Variants in SLC16A6 observed in about 807,000 individuals in gnomAD.
The protein encoded by SLC16A6 is solute carrier family 16 member 6.
A neutral mutation model predicts 33.8 loss-of-function variants in SLC16A6; 15 were observed. The ratio of observed to expected loss-of-function variants is 0.44; its 90% CI spans 0.30 to 0.68. The LOEUF (loss-of-function observed/expected upper bound fraction) is 0.68, where lower values mean the gene tolerates loss of function less well. Among genes scored for constraint, SLC16A6 ranks in the 30% least tolerant of loss-of-function variants. SLC16A6 has a pLI of 0.10. For synonymous variants in SLC16A6, 219 were observed against 248.4 expected, an observed-to-expected ratio of 0.88 and a Z score of 1.11; for missense variants, 451 against 661.5, an observed-to-expected ratio of 0.68 and a Z score of 3.49.
chr17:68,287,378 T>G (rs868923787), intron 1 of SLC16A6, among the ~76,000 whole-genome samples: 67 of 152,082 alleles, frequency 4.4e-4, no homozygotes, highest in African/African-American at 1.5e-3. Context: ...TAGGCTGGTC[T>G]GGAACTCCCG....
intron 1 of SLC16A6, among the ~76,000 whole-genome samples, chr17:68,283,631 A>T (rs2075769459): frequency 6.6e-6 from 1 of 151,714 alleles, no homozygotes; most frequent in Non-Finnish European, 1.5e-5. Context: ...AACCAGCCTG[A>T]CCAACATGGA....
At chr17:68,280,967 A>T (rs1172560535) in intron 1 of SLC16A6, among the ~76,000 whole-genome samples, 2 of 151,982 alleles carry the variant, frequency 1.3e-5, no homozygotes, top group Non-Finnish European at 2.9e-5. Context: ...CTTACTGAAA[A>T]TACGAAAAAT....
At chr17:68,279,612 A>C (rs971293495) in intron 1 of SLC16A6, among the ~76,000 whole-genome samples, 34 of 152,100 alleles carry the variant, frequency 2.2e-4, no homozygotes, top group African/African-American at 8.0e-4. Context: ...GTTACCCCTA[A>C]CCTCACTGTG....
intron 2 of SLC16A6, among the ~76,000 whole-genome samples, chr17:68,275,906 C>T (rs2075500176): frequency 6.6e-6 from 1 of 151,340 alleles, no homozygotes; most frequent in Admixed American, 6.6e-5. Context: ...TCACTTGAAC[C>T]TGGGAGGCGG....
In SLC16A6 at chr17:68,271,655, C is replaced by T. The variant is rs1327613292; in HGVS notation, c.506-1G>A. The stretch of plus-strand genomic sequence containing the variant: ...ATGCGCTCCTTCAGAGCCATGATTG[C>T]TTGAATAGGCAGGAGTGAAGAAGAA... On this transcript the variant is annotated splice_acceptor_variant, in intron 4 of 5. Transcript: ENST00000580666. LOFTEE classifies it high-confidence loss of function. This position sits in a 1 kb window ranked among gnomAD's most constrained non-coding sequence, Gnocchi z 5.3. 5 of 1,609,486 alleles carry T rather than the reference C, an allele frequency of 3.1e-6. No individual in the cohort carries two copies. The highest frequency in any genetic ancestry group is 4.3e-6 in the Non-Finnish European group (5 of 1,176,362).
At position 68,274,026 on chromosome 17, in the gene SLC16A6, C is replaced by G. The variant is rs1555750072; in HGVS notation, c.277G>C (p.Val93Leu). The change falls in exon 3 of 6, where the codon GTA (valine) becomes CTA (leucine). Residue 93 changes from valine to leucine, a missense_variant. Val to Leu is a conservative substitution (Grantham distance 32, BLOSUM62 1). Transcript: ENST00000580666. ...VLSNRFGHRL[V>L]VMLGGLLVST... ...ACAAGTAGCCCCCCCAACATCACTA[C>G]CAGACGGTGTCCGAAACGATTGCTC... 1 of 1,614,028 alleles carries G rather than the reference C, an allele frequency of 6.2e-7. No homozygotes were observed. The highest frequency in any genetic ancestry group is 8.5e-7 in the Non-Finnish European group (1 of 1,180,038).
In SLC16A6 at chr17:68,288,060, G is replaced by A. The variant is rs143119528; in HGVS notation, c.-8+3026C>T. Among the ~76,000 whole-genome samples, 989 of 148,588 alleles carry A rather than the reference G, an allele frequency of 6.7e-3. 7 individuals carry two copies. Among genetic ancestry groups the A allele is most frequent in the African/African-American group, 0.023 (934 of 40,356 alleles). Reference sequence around the variant, plus strand: ...CTCCCAGGCTGGAGCACAGTGGTGCGATCTCAGCCCACTGCAAGCTCTGCC... The same window carrying A: ...CTCCCAGGCTGGAGCACAGTGGTGCAATCTCAGCCCACTGCAAGCTCTGCC... On this transcript the variant is annotated intron_variant, in intron 1 of 5. Coordinates refer to ENST00000580666, the MANE Select transcript of SLC16A6 (RefSeq NM_004694.5).
intron 5 of SLC16A6, 100 bp from the exon 6 acceptor site, chr17:68,269,446 T>G: frequency 7.8e-7 from 1 of 1,278,832 alleles, no homozygotes; most frequent in Non-Finnish European, 1.1e-6. Context: ...TTCACTGCCT[T>G]CCTTGTTTTC....
rs1555748714 is a variant in SLC16A6 at position 68,271,493 on chromosome 17, G to A, written c.667C>T (p.Gln223Ter). The change falls in exon 5 of 6, where the codon CAG (glutamine) becomes TAG (stop). Residue 223 changes from glutamine (Q) to a stop codon, truncating the protein, a stop_gained. Transcript: ENST00000580666. LOFTEE classifies it high-confidence loss of function. The surrounding 1 kb of genome is among the most constrained non-coding windows in gnomAD (Gnocchi z 5.3). ...GTTTTCTCATTTTCAAGCATATACT[G>A]CGCTTCTTTCCGATTTTCCTGGATG... ...IVIQENRKEA[Q>*]YMLENEKTRT... 6.2e-7 allele frequency: 1 copy of A among 1,614,160 alleles called. No homozygotes were observed.
chr17:68,273,702 T>C (rs2075417149), intron 3 of SLC16A6, among the ~76,000 whole-genome samples: 1 of 151,942 alleles, frequency 6.6e-6, no homozygotes, highest in African/African-American at 2.4e-5. Flanking sequence ...ATTATCATCA[T>C]CTTTGGTGAA....
intron 1 of SLC16A6, among the ~76,000 whole-genome samples, chr17:68,287,985 CCTTT>C (rs1176929482): frequency 4.7e-5 from 7 of 150,182 alleles, no homozygotes; most frequent in East Asian, 1.9e-4. Flanking sequence ...CTCCCTCCCT[CCTTT>C]CTTTTTTTTT....
chr17:68,268,966 A>G lies in SLC16A6; in HGVS notation c.*130T>C. On this transcript the variant is annotated 3_prime_UTR_variant, in exon 6 of 6. Coordinates refer to ENST00000580666, the MANE Select transcript of SLC16A6 (RefSeq NM_004694.5). ...GCGATGTTGGTAGTGCTCTTCACAT[A>G]CACATTCCCTTTAAAATGTAGTTTT... 1.3e-6 allele frequency: 2 copies of G among 1,509,778 alleles called. No individual in the cohort carries two copies. The highest frequency in any genetic ancestry group is 1.8e-6 in the Non-Finnish European group (2 of 1,125,796). 93.5% of individuals were successfully genotyped at this position (1,509,778 alleles called of 1,614,324 possible).
chr17:68,272,331 A>G (rs576775031), intron 4 of SLC16A6, among the ~76,000 whole-genome samples: 1 of 152,208 alleles, frequency 6.6e-6, no homozygotes, highest in Non-Finnish European at 1.5e-5. Context: ...CTTTTGAAAA[A>G]CGAGAGGACA....
At chr17:68,287,025 C>T (rs897707411) in intron 1 of SLC16A6, among the ~76,000 whole-genome samples, 15 of 152,076 alleles carry the variant, frequency 9.9e-5, no homozygotes, top group African/African-American at 3.6e-4. Flanking sequence ...CTCTTGTTGC[C>T]TAGGCTGGAG....
At chr17:68,270,422 TG>T (rs1439097148) in intron 5 of SLC16A6, among the ~76,000 whole-genome samples, 40 of 152,022 alleles carry the variant, frequency 2.6e-4, no homozygotes, top group African/African-American at 9.4e-4. Flanking sequence ...GGCGTGGTGG[TG>T]GGTGCCTGTA....
intron 1 of SLC16A6, among the ~76,000 whole-genome samples, chr17:68,279,135 G>A (rs2075616656): frequency 2.0e-5 from 3 of 152,058 alleles, no homozygotes; most frequent in Admixed American, 2.0e-4. Context: ...TGACCTTGAA[G>A]GACTCAACTT....
intron 5 of SLC16A6, 71 bp downstream of exon 5, chr17:68,270,768 C>CT (rs377546727): frequency 1.5e-6 from 2 of 1,358,236 alleles, no homozygotes; most frequent in East Asian, 4.9e-5. Context: ...TTTTTTATGG[C>CT]TTGAACAGGA....
chr17:68,271,462 G>T lies in SLC16A6; in HGVS notation c.698C>A (p.Thr233Asn), dbSNP rs782275679. ...QYMLENEKTRTSIDSIDSGVE... is the reference protein window; with the variant it reads ...QYMLENEKTRNSIDSIDSGVE... ...TCCTGAGTCAATGGAGTCTATTGAG[G>T]TTCGTGTTTTCTCATTTTCAAGCAT... The change falls in exon 5 of 6, where the codon ACC (threonine) becomes AAC (asparagine). Residue 233 changes from threonine to asparagine, a missense_variant. Thr to Asn is a moderately conservative substitution (Grantham distance 65). Coordinates refer to ENST00000580666, the MANE Select transcript of SLC16A6 (RefSeq NM_004694.5). The surrounding 1 kb of genome is among the most constrained non-coding windows in gnomAD (Gnocchi z 5.3). The T allele has an allele frequency of 1.9e-6, 3 of 1,614,164 alleles. No individual in the cohort carries two copies. The highest frequency in any genetic ancestry group is 2.5e-6 in the Non-Finnish European group (3 of 1,180,040).
In SLC16A6 at chr17:68,273,982, G is replaced by A. The variant is rs781832508; in HGVS notation, c.321C>T (p.Ala107=). 1.6e-5 allele frequency: 26 copies of A among 1,613,960 alleles called. No individual in the cohort carries two copies. The highest frequency in any genetic ancestry group is 1.6e-4 in the Middle Eastern group (1 of 6,084). Reference sequence around the variant, plus strand: ...GAGAAACCTCTTGTGAGAAGGAGGCGGCCACCATCCCGGTGCTGACAAGTA... The same window carrying A: ...GAGAAACCTCTTGTGAGAAGGAGGCAGCCACCATCCCGGTGCTGACAAGTA... ...GGLLVSTGMV[A]ASFSQEVSHM... is the part of the protein sequence containing the mutation. Residue 107 remains alanine (A), a synonymous_variant, in exon 3 of 6, where the codon GCC becomes GCT. Coordinates refer to ENST00000580666, the MANE Select transcript of SLC16A6 (RefSeq NM_004694.5).
Sources: allele counts gnomAD v4.1 joint callset (sites outside exome capture counted in the v4.1 genomes callset), GRCh38; gene constraint gnomAD v4.1.1; non-coding constraint Gnocchi (gnomAD v3.1); transcripts MANE v1.5; gene names NCBI Gene and HGNC (gene_info 2026-07-23, HGNC 2026-07-21).